EFHC2: variants seen among roughly 807,000 people sequenced by gnomAD.
The protein encoded by EFHC2 is EF-hand domain containing 2, also known as EF-hand domain-containing family member C2.
Under a neutral mutation model 52.7 loss-of-function variants are expected in EFHC2, and 18 were observed. The observed-to-expected ratio is 0.34, with a 90% CI of 0.24 to 0.51. The LOEUF is 0.51. Ranked by LOEUF, EFHC2 falls within the 20% of genes least tolerant of loss-of-function variation. The probability of loss-of-function intolerance (pLI) is 0.97; values close to 1 mark genes in which losing one functional copy is unlikely to be tolerated. For missense variants in EFHC2, 513 were observed against 562.5 expected, an observed-to-expected ratio of 0.91 and a Z score of 0.89; for synonymous variants, 203 against 204.1, an observed-to-expected ratio of 0.99 and a Z score of 0.04.
At position 44,343,522 on chromosome X, in the gene EFHC2, G is replaced by A. The variant is rs369739615; in HGVS notation, c.42+25C>T. On this transcript the variant is annotated intron_variant, in intron 1 of 14. Transcript: ENST00000420999. Reference sequence around the variant, plus strand: ...ACCCCAGACTCCAGCCGGGAGCTGTGACCTCGGACGCCCTTCCTACTCACG... The same window carrying A: ...ACCCCAGACTCCAGCCGGGAGCTGTAACCTCGGACGCCCTTCCTACTCACG... 465 of 1,184,472 alleles carry A rather than the reference G, an allele frequency of 3.9e-4. 2 individuals are homozygous for A. The highest frequency in any genetic ancestry group is 2.7e-3 in the South Asian group (144 of 53,491).
At chrX:44,157,189 T>C (rs975363081) in intron 14 of EFHC2, among the ~76,000 whole-genome samples, 8 of 112,207 alleles carry the variant, frequency 7.1e-5, no homozygotes, top group African/African-American at 2.6e-4. Context: ...TTGACCCCTA[T>C]TCTTACTAGC....
intron 11 of EFHC2, among the ~76,000 whole-genome samples, chrX:44,190,015 T>C (rs948017475): frequency 2.7e-5 from 3 of 112,078 alleles, no homozygotes; most frequent in Non-Finnish European, 5.6e-5. Context: ...CCTCCTTAAC[T>C]GCTTCTTCAT....
Position 44,232,599 on chromosome X carries a change from T to C in EFHC2, c.1502A>G (p.Glu501Gly), listed in dbSNP as rs779273390. Residue 501 changes from glutamate to glycine, a missense_variant, in exon 10 of 15, where the codon GAA (glutamate) becomes GGA (glycine). Coordinates refer to ENST00000420999, the MANE Select transcript of EFHC2 (RefSeq NM_025184.4). The part of the protein sequence containing the change: ...GQEVFKSELS[E>G]YIKAEELYIG... The stretch of plus-strand genomic sequence containing the variant: ...GTACAGCTCCTCGGCCTTGATATAT[T>C]CAGATAGTTCACTTTTAAAGACTTC... The C allele has an allele frequency of 5.0e-6, 6 of 1,196,597 alleles. No individual in the cohort carries two copies. In the South Asian group the frequency reaches 9.2e-5, roughly 18 times the overall value.
intron 13 of EFHC2, among the ~76,000 whole-genome samples, chrX:44,170,027 GTGGCCAGAGAC>G (rs1443692132): frequency 2.7e-5 from 3 of 111,615 alleles, no homozygotes; most frequent in Admixed American, 9.5e-5. Flanking sequence ...GGAGAAGAAT[GTGGCCAGAGAC>G]TGCTGTTGTT....
intron 2 of EFHC2, among the ~76,000 whole-genome samples, chrX:44,304,922 A>C (rs984518792): frequency 9.1e-6 from 1 of 109,999 alleles, no homozygotes; most frequent in Non-Finnish European, 1.9e-5. Flanking sequence ...TGGTAGCAGC[A>C]CCTCCTGGTC....
intron 11 of EFHC2, among the ~76,000 whole-genome samples, chrX:44,200,390 C>A (rs998691611): frequency 9.0e-6 from 1 of 110,576 alleles, no homozygotes; most frequent in Admixed American, 9.6e-5. Context: ...AGTAATGAAC[C>A]ATGAAATTAT....
intron 11 of EFHC2, among the ~76,000 whole-genome samples, chrX:44,222,975 T>C (rs945788668): frequency 1.3e-4 from 14 of 111,840 alleles, no homozygotes; most frequent in East Asian, 2.8e-4. Flanking sequence ...TGATGTACAA[T>C]AGATCTCCAG....
At chrX:44,289,947 C>T (rs999158786) in intron 2 of EFHC2, among the ~76,000 whole-genome samples, 6 of 112,005 alleles carry the variant, frequency 5.4e-5, no homozygotes, top group African/African-American at 1.9e-4. Flanking sequence ...TCCCAAAGTG[C>T]TGGGATTACA....
chrX:44,340,414 G>A (rs1379349574), intron 1 of EFHC2, among the ~76,000 whole-genome samples: 1 of 111,228 alleles, frequency 9.0e-6, no homozygotes, highest in Non-Finnish European at 1.9e-5. Context: ...CACTTTGGGA[G>A]GCTGAGGCGG....
At chrX:44,289,677 C>CTTTTTTTTTTTTTT (rs1207899077) in intron 2 of EFHC2, among the ~76,000 whole-genome samples, 3 of 72,290 alleles carry the variant, frequency 4.1e-5, no homozygotes, top group Non-Finnish European at 7.5e-5. Context: ...TCTTTTCTTT[C>CTTTTTTTTTTTTTT]TTTTTTTTTT....
chrX:44,171,460 C>T (rs2036745217), intron 13 of EFHC2, among the ~76,000 whole-genome samples: 1 of 111,302 alleles, frequency 9.0e-6, no homozygotes, highest in African/African-American at 3.3e-5. Flanking sequence ...GGTGAAGATC[C>T]ATTTTTGACT....
intron 2 of EFHC2, among the ~76,000 whole-genome samples, chrX:44,279,356 A>G (rs1214583400): frequency 1.8e-5 from 2 of 112,019 alleles, no homozygotes; most frequent in African/African-American, 6.5e-5. Context: ...CAATAAACAA[A>G]AGGTTTTGAA....
intron 4 of EFHC2, among the ~76,000 whole-genome samples, chrX:44,251,238 C>CAAAAA (rs746850685): frequency 1.6e-4 from 3 of 18,301 alleles, no homozygotes; most frequent in Admixed American, 1.1e-3. Flanking sequence ...GACTCCATCT[C>CAAAAA]AAAAAAAAAA....
intron 5 of EFHC2, 125 bp downstream of exon 5, chrX:44,250,069 G>A (rs1192312151): frequency 1.2e-6 from 1 of 815,386 alleles, no homozygotes; most frequent in Non-Finnish European, 1.7e-6. Context: ...CAAAATGAAA[G>A]GTTTCTAAAT....
chrX:44,195,227 GTCT>G (rs761932148), intron 11 of EFHC2, among the ~76,000 whole-genome samples: 6 of 111,161 alleles, frequency 5.4e-5, no homozygotes, highest in African/African-American at 1.6e-4. Flanking sequence ...GCCTCAAGAG[GTCT>G]TCTTGTTTCC....
chrX:44,329,842 G>A, intron 1 of EFHC2, among the ~76,000 whole-genome samples: 2 of 109,429 alleles, frequency 1.8e-5, no homozygotes, highest in Admixed American at 2.0e-4. Flanking sequence ...CTGGCCTCAA[G>A]CAATCCTCCC....
intron 1 of EFHC2, among the ~76,000 whole-genome samples, chrX:44,321,455 A>G (rs1161884288): frequency 9.0e-6 from 1 of 111,650 alleles, no homozygotes; most frequent in African/African-American, 3.3e-5. Context: ...GATGGATGGT[A>G]TTTAAGGCTA....
chrX:44,288,583 A>T (rs994983934), intron 2 of EFHC2, among the ~76,000 whole-genome samples: 3 of 111,228 alleles, frequency 2.7e-5, no homozygotes, highest in Non-Finnish European at 3.8e-5. Flanking sequence ...AATACTATTC[A>T]CTTCATAGTT....
At position 44,261,138 on chromosome X, in the gene EFHC2, T is replaced by C; in HGVS notation, c.543A>G (p.Ile181Met). The C allele has an allele frequency of 1.7e-6, 2 of 1,211,690 alleles. No homozygotes were observed. Among genetic ancestry groups the C allele is most frequent in the Non-Finnish European group, 2.2e-6 (2 of 895,412 alleles). Residue 181 changes from isoleucine (I) to methionine (M), a missense_variant, in exon 4 of 15, where the codon ATA becomes ATG. By Grantham distance (10) the Ile-to-Met change is conservative. Transcript: ENST00000420999. The stretch of plus-strand genomic sequence containing the variant: ...GCACTGGGGGATTCACTTTGACCCC[T>C]ATTTTCCTCAAAAAGTTTCTTGTGA... ...DAFTRNFLRKIGVKVNPPVQC... is the reference protein window; with the variant it reads ...DAFTRNFLRKMGVKVNPPVQC...
Sources: gnomAD v4.1 joint callset for allele counts (sites outside exome capture counted in the v4.1 genomes callset) on GRCh38, gnomAD v4.1.1 for gene constraint, MANE v1.5 for transcripts, NCBI Gene and HGNC (gene_info 2026-07-23, HGNC 2026-07-21) for gene names.